The following SAP30L variants were observed in gnomAD, a reference collection of about 807,000 sequenced individuals.
The protein encoded by SAP30L is SAP30 like.
Under a neutral mutation model 22.3 loss-of-function variants are expected in SAP30L, and 10 were observed. That is an observed-to-expected ratio of 0.45 (90% CI 0.28 to 0.76). The LOEUF is 0.76. Ranked by LOEUF, SAP30L falls within the 30% of genes least tolerant of loss-of-function variation. SAP30L has a pLI of 0.14. For synonymous variants in SAP30L, 91 were observed against 94.1 expected (o/e 0.97, Z 0.19); for missense variants, 206 against 237.9 (o/e 0.87, Z 0.88).
intron 1 of SAP30L, 115 bp downstream of exon 1, chr5:154,446,920 C>A: frequency 1.2e-6 from 1 of 815,534 alleles, no homozygotes; most frequent in Non-Finnish European, 1.9e-6. Context: ...GCCGCCCCGG[C>A]TCTGCAGAAC....
rs1235091288 is a variant in SAP30L, at chr5:154,446,217, A to T, written c.-388A>T. 2 of 171,454 alleles carry T rather than the reference A, an allele frequency of 1.2e-5. No homozygotes were observed. Among genetic ancestry groups the T allele is most frequent in the Non-Finnish European group, 1.2e-5 (1 of 81,162 alleles). The allele number at this position is 171,454 out of a possible 1,614,324, so 10.6% of individuals were successfully genotyped here. ...CTGCCGAAAGAAGGCGGGAGCCGGC[A>T]GGGGCCTTCGAAACCCCCTGGCAAC... On this transcript the variant is annotated 5_prime_UTR_variant, in exon 1 of 4. Transcript: ENST00000297109.
At chr5:154,448,551 GTGTAGGT>G (rs1270984095) in intron 1 of SAP30L, among the ~76,000 whole-genome samples, 1 of 152,196 alleles carries the variant, frequency 6.6e-6, no homozygotes, top group Non-Finnish European at 1.5e-5. Context: ...CCTACCTTCC[GTGTAGGT>G]TGTTAGAAGC....
In SAP30L at chr5:154,455,985, G is replaced by A; in HGVS notation, c.509G>A (p.Ser170Asn). 6.2e-7 allele frequency: 1 copy of A among 1,614,088 alleles called. No individual in the cohort carries two copies. The highest frequency in any genetic ancestry group is 1.1e-5 in the South Asian group (1 of 91,078). The change falls in exon 4 of 4, where the codon AGT becomes AAT. Residue 170 changes from serine to asparagine, a missense_variant. Physicochemically the swap from Ser to Asn is conservative, Grantham distance 46. This residue lies in a region of SAP30L where 136 missense variants were observed against 187.4 expected (regional missense o/e 0.73). Coordinates refer to ENST00000297109, the MANE Select transcript of SAP30L (RefSeq NM_024632.6). ...ATCTACATGGTGAAGAGTAACAAGAGTAGACTGGACCAGAAATCGGAGGGT... is the reference window on the plus strand; with the variant it reads ...ATCTACATGGTGAAGAGTAACAAGAATAGACTGGACCAGAAATCGGAGGGT... Reference protein sequence around the residue: ...YFIYMVKSNKSRLDQKSEGGK... With the variant: ...YFIYMVKSNKNRLDQKSEGGK...
intron 1 of SAP30L, among the ~76,000 whole-genome samples, chr5:154,450,012 C>T (rs1005521903): frequency 6.6e-6 from 1 of 152,178 alleles, no homozygotes; most frequent in African/African-American, 2.4e-5. Flanking sequence ...TTAATTGATG[C>T]GGATTTCCTG....
chr5:154,446,284 C>T lies in SAP30L; in HGVS notation c.-321C>T, dbSNP rs1756998722. On this transcript the variant is annotated 5_prime_UTR_variant, in exon 1 of 4. Transcript: ENST00000297109. Reference sequence around the variant, plus strand: ...TGGGGAGCGGCTGTTTCCTGGGACGCCCTCCCGGACACCCCCGCTGCAGGG... The same window carrying T: ...TGGGGAGCGGCTGTTTCCTGGGACGTCCTCCCGGACACCCCCGCTGCAGGG... The T allele has an allele frequency of 3.7e-6, 1 of 268,714 alleles. No homozygotes were observed. Among genetic ancestry groups the T allele is most frequent in the Non-Finnish European group, 7.0e-6 (1 of 143,284 alleles). The allele number at this position is 268,714 out of a possible 1,614,324, so 16.6% of individuals were successfully genotyped here. A position where few individuals can be genotyped will look rare whatever the true frequency, so the allele number is the denominator to read the frequency against.
At chr5:154,451,427 C>T in intron 2 of SAP30L, 1 of 580,816 alleles carries the variant, frequency 1.7e-6, no homozygotes, top group Non-Finnish European at 3.0e-6. Context: ...TACAGACAGG[C>T]ACAGAGAGCC....
Position 154,455,887 on chromosome 5 carries a change from T to TC in SAP30L, c.424-7dup, listed in dbSNP as rs369793003. On this transcript the variant is annotated splice_polypyrimidine_tract_variant and intron_variant, in intron 3 of 3. Transcript: ENST00000297109. ...CATGGTTTAAGGAACTTTGGTATTT[T>TC]CCCCCCACATAGACTGTGAGTCGAC... is the stretch of plus-strand genomic sequence containing the variant. 1.1e-5 allele frequency: 17 copies of TC among 1,599,328 alleles called. No individual in the cohort carries two copies. The highest frequency in any genetic ancestry group is 8.1e-5 in the African/African-American group (6 of 74,180).
At chr5:154,454,558 G>T (rs184222758) in intron 3 of SAP30L, among the ~76,000 whole-genome samples, 3 of 152,036 alleles carry the variant, frequency 2.0e-5, no homozygotes, top group Non-Finnish European at 4.4e-5. Context: ...TTCCTGAAAG[G>T]CTTCCAGCCT....
chr5:154,447,700 C>T (rs1413338322), intron 1 of SAP30L, among the ~76,000 whole-genome samples: 1 of 152,178 alleles, frequency 6.6e-6, no homozygotes, highest in African/African-American at 2.4e-5. Flanking sequence ...CCATTCTCTT[C>T]TAGAATCAGA....
At chr5:154,448,418 A>G (rs766566810) in intron 1 of SAP30L, among the ~76,000 whole-genome samples, 3 of 152,210 alleles carry the variant, frequency 2.0e-5, no homozygotes, top group East Asian at 3.8e-4. Context: ...ATCTCTATCA[A>G]TGAATGCATG....
chr5:154,453,538 T>C, intron 3 of SAP30L, 38 bp downstream of exon 3: 2 of 1,314,726 alleles, frequency 1.5e-6, no homozygotes, highest in Non-Finnish European at 2.2e-6. Context: ...AGAGCCAGCA[T>C]TGTGCTGCTT....
At chr5:154,454,828 T>C (rs866768465) in intron 3 of SAP30L, among the ~76,000 whole-genome samples, 3 of 152,226 alleles carry the variant, frequency 2.0e-5, no homozygotes, top group Admixed American at 6.5e-5. Flanking sequence ...AAACCTGATA[T>C]GTCTTTCAGG....
At chr5:154,453,110 C>G (rs1009978096) in intron 2 of SAP30L, 3 of 287,000 alleles carry the variant, frequency 1.0e-5, no homozygotes, top group Non-Finnish European at 1.3e-5. Context: ...TGATCTTTTC[C>G]CCTATTCCCT....
intron 3 of SAP30L, among the ~76,000 whole-genome samples, chr5:154,455,421 C>G (rs1022122287): frequency 6.6e-5 from 10 of 152,138 alleles, no homozygotes; most frequent in African/African-American, 2.2e-4. Context: ...GTTGCCTAGG[C>G]TGGTCTCGAA....
chr5:154,453,423 G>A lies in SAP30L; in HGVS notation c.346G>A (p.Val116Met). ...CTAGGTTGATCTGTTCCAGCTGCAG[G>A]TGAACACCCTACGACGTTATAAACG... ...IPEVDLFQLQ[V>M]NTLRRYKRHY... Residue 116 changes from valine to methionine, a missense_variant, in exon 3 of 4, where the codon GTG becomes ATG. Val to Met is a conservative substitution (Grantham distance 21). Around this residue, in one of 2 missense-constraint regions of SAP30L, gnomAD observed 136 missense variants for 187.4 expected, o/e 0.73. Transcript: ENST00000297109. The A allele has an allele frequency of 6.2e-7, 1 of 1,613,994 alleles. No homozygotes were observed. Among genetic ancestry groups the A allele is most frequent in the Non-Finnish European group, 8.5e-7 (1 of 1,179,896 alleles).
chr5:154,451,364 G>A, intron 2 of SAP30L, 151 bp downstream of exon 2: 1 of 840,552 alleles, frequency 1.2e-6, no homozygotes, highest in Non-Finnish European at 1.8e-6. Context: ...TAGTAATATG[G>A]AATCTGAGAG....
Position 154,446,509 on chromosome 5 carries a change from G to A in SAP30L, c.-96G>A. ...CTGGAGACGGACTCTGGGACCCTCG[G>A]CTGCGGGGGTCTCAGCGACCTGCCC... On this transcript the variant is annotated 5_prime_UTR_variant, in exon 1 of 4. Coordinates refer to ENST00000297109, the MANE Select transcript of SAP30L (RefSeq NM_024632.6). 9.5e-7 allele frequency: 1 copy of A among 1,050,378 alleles called. No individual in the cohort carries two copies. Among genetic ancestry groups the A allele is most frequent in the Non-Finnish European group, 1.3e-6 (1 of 779,962 alleles). 65.1% of individuals were successfully genotyped at this position (1,050,378 alleles called of 1,614,324 possible). A position where few individuals can be genotyped will look rare whatever the true frequency, so the allele number is the denominator to read the frequency against.
At position 154,446,291 on chromosome 5, in the gene SAP30L, G is replaced by T. The variant is rs1057084341; in HGVS notation, c.-314G>T. 3.5e-6 allele frequency: 1 copy of T among 283,302 alleles called. No individual in the cohort carries two copies. The highest frequency in any genetic ancestry group is 2.2e-5 in the African/African-American group (1 of 45,744). 17.5% of individuals were successfully genotyped at this position (283,302 alleles called of 1,614,324 possible). ...CGGCTGTTTCCTGGGACGCCCTCCC[G>T]GACACCCCCGCTGCAGGGTTACGGT... On this transcript the variant is annotated 5_prime_UTR_variant, in exon 1 of 4. Coordinates refer to ENST00000297109, the MANE Select transcript of SAP30L (RefSeq NM_024632.6).
intron 1 of SAP30L, among the ~76,000 whole-genome samples, chr5:154,450,521 T>C (rs1757114330): frequency 6.6e-6 from 1 of 152,168 alleles, no homozygotes; most frequent in South Asian, 2.1e-4. Context: ...AGTTTATGAC[T>C]CCTACAGGTC....
Sources: gnomAD v4.1 joint callset for allele counts (sites outside exome capture counted in the v4.1 genomes callset) on GRCh38, gnomAD v4.1.1 for gene constraint, gnomAD v4.1.1 regional missense constraint, MANE v1.5 for transcripts, NCBI Gene and HGNC (gene_info 2026-07-23, HGNC 2026-07-21) for gene names.